The following JAK1 variants were observed in gnomAD, a reference collection of about 807,000 sequenced individuals.
JAK1 encodes Janus kinase 1, also known as tyrosine-protein kinase JAK1.
In JAK1, 16 loss-of-function variants were observed where a neutral mutation model predicts 136.6. That is an observed-to-expected ratio of 0.12 (90% CI 0.08 to 0.18). The LOEUF (loss-of-function observed/expected upper bound fraction) is 0.18. Among genes scored for constraint, JAK1 ranks in the 10% least tolerant of loss-of-function variants. The pLI is 1.00. For missense variants in JAK1, 859 were observed against 1,450.1 expected (o/e 0.59, Z 6.62); for synonymous variants, 492 against 519.5 (o/e 0.95, Z 0.72).
Position 65,001,668 on chromosome 1 carries a change from AGT to A in JAK1, c.-78+42810_-78+42811del, listed in dbSNP as rs200851168. Among the ~76,000 whole-genome samples the A allele has an allele frequency of 6.7e-3, 655 of 97,480 alleles. 6 individuals are homozygous for A. Among genetic ancestry groups the A allele is most frequent in the African/African-American group, 0.029 (622 of 21,750 alleles). The allele number at this position is 97,480 out of a possible 152,430, so 64.0% of individuals were successfully genotyped here. On this transcript the variant is annotated intron_variant, in intron 2 of 25. Transcript: ENST00000671954. ...TTGTATGTGTGTTTGAGAGGTAGAA[AGT>A]GTGTGTGTGGGGGGGGGGGTATGTG... is the stretch of plus-strand genomic sequence containing the variant.
At chr1:64,909,530 G>C (rs1645246737) in intron 1 of JAK1, among the ~76,000 whole-genome samples, 1 of 151,972 alleles carries the variant, frequency 6.6e-6, no homozygotes, top group Non-Finnish European at 1.5e-5. Flanking sequence ...AAAGAAAACA[G>C]ATCTTCTAGG....
rs1279884642 is a variant in JAK1 at position 64,984,822 on chromosome 1, T to G, written c.-78+59658A>C. ...AATAAAAACGTAGGCTCCTAAATAGTAAGCAGCAGAAGGGAAAAGCAATCT... is the reference window on the plus strand; with the variant it reads ...AATAAAAACGTAGGCTCCTAAATAGGAAGCAGCAGAAGGGAAAAGCAATCT... On this transcript the variant is annotated intron_variant, in intron 2 of 25. Transcript: ENST00000671954. This position sits in a 1 kb window ranked among gnomAD's most constrained non-coding sequence, Gnocchi z 4.1. The G allele has an allele frequency of 3.6e-6, 4 of 1,120,946 alleles. No individual in the cohort carries two copies. The highest frequency in any genetic ancestry group is 5.4e-6 in the Non-Finnish European group (4 of 747,430). 69.4% of individuals were successfully genotyped at this position (1,120,946 alleles called of 1,614,324 possible). A position where few individuals can be genotyped will look rare whatever the true frequency, so the allele number is the denominator to read the frequency against.
chr1:64,953,224 G>A (rs1047429044), intron 1 of JAK1, among the ~76,000 whole-genome samples: 13 of 152,278 alleles, frequency 8.5e-5, no homozygotes, highest in African/African-American at 2.2e-4. Flanking sequence ...GGTAACTTTC[G>A]TTAAATGCTG....
intron 2 of JAK1, chr1:64,986,111 T>TG: frequency 1.5e-6 from 1 of 687,896 alleles, no homozygotes; most frequent in Admixed American, 2.7e-5. Flanking sequence ...ATCTAATTGT[T>TG]TTTTTTTTTT....
At chr1:65,030,516 G>C (rs928390931) in intron 2 of JAK1, among the ~76,000 whole-genome samples, 9 of 149,960 alleles carry the variant, frequency 6.0e-5, no homozygotes, top group African/African-American at 2.2e-4. Flanking sequence ...TATTAACATA[G>C]TCCCCAAAAC....
At chr1:64,834,786 A>G in intron 24 of JAK1, 129 bp from the exon 25 acceptor site, 2 of 634,310 alleles carry the variant, frequency 3.2e-6, no homozygotes, top group Admixed American at 2.8e-5. Context: ...TAGAAAAACA[A>G]GAGTATTTGA....
intron 13 of JAK1, chr1:64,847,018 A>G (rs1655278563): frequency 1.9e-6 from 1 of 514,326 alleles, no homozygotes; most frequent in Admixed American, 3.2e-5. Flanking sequence ...CTGGATACTC[A>G]TGCCCACCTC....
chr1:65,042,886 T>C (rs1647147923), intron 2 of JAK1, among the ~76,000 whole-genome samples: 1 of 152,206 alleles, frequency 6.6e-6, no homozygotes, highest in Non-Finnish European at 1.5e-5. Context: ...TTCAGTTTGT[T>C]CTGACTGATG....
intron 6 of JAK1, among the ~76,000 whole-genome samples, chr1:64,868,791 A>G (rs988270745): frequency 1.2e-4 from 18 of 152,368 alleles, no homozygotes; most frequent in African/African-American, 3.6e-4. Context: ...ATTCCTTCAC[A>G]GAGACTTGAT....
At chr1:64,987,819 G>A (rs1646614226) in intron 2 of JAK1, 1 of 152,212 alleles carries the variant, frequency 6.6e-6, no homozygotes, top group Non-Finnish European at 1.5e-5. Context: ...AAGGGGATGT[G>A]AAATGTTGTT....
intron 12 of JAK1, 38 bp downstream of exon 12, chr1:64,850,766 G>A: frequency 7.2e-7 from 1 of 1,397,982 alleles, no homozygotes; most frequent in Non-Finnish European, 1.0e-6. Context: ...TGGGGAGGCA[G>A]GACCACAGCT....
intron 1 of JAK1, among the ~76,000 whole-genome samples, chr1:64,964,997 A>G (rs1646346903): frequency 6.6e-6 from 1 of 152,202 alleles, no homozygotes; most frequent in Non-Finnish European, 1.5e-5. Flanking sequence ...AAATCAAGAA[A>G]CAACACATAA....
intron 12 of JAK1, 65 bp from the exon 13 acceptor site, chr1:64,847,740 T>C (rs1018509965): frequency 1.3e-6 from 2 of 1,562,820 alleles, no homozygotes; most frequent in Admixed American, 3.6e-5. Flanking sequence ...CGTCTGGGAA[T>C]GGGTCCTCAA....
chr1:64,904,848 G>A (rs911104377), intron 1 of JAK1, among the ~76,000 whole-genome samples: 2 of 152,118 alleles, frequency 1.3e-5, no homozygotes, highest in African/African-American at 4.8e-5. Flanking sequence ...CATAAAAGTA[G>A]GGGAGAATGA....
chr1:65,014,943 C>T (rs890241733), intron 2 of JAK1, among the ~76,000 whole-genome samples: 2 of 152,130 alleles, frequency 1.3e-5, no homozygotes, highest in Non-Finnish European at 2.9e-5. Flanking sequence ...CCTCGGCCTC[C>T]CAAAGTGCTG....
chr1:64,847,752 G>T, intron 12 of JAK1, 77 bp from the exon 13 acceptor site: 1 of 1,516,154 alleles, frequency 6.6e-7, no homozygotes, highest in Non-Finnish European at 9.0e-7. Context: ...GGTCCTCAAT[G>T]GGAACATGGA....
intron 2 of JAK1, chr1:65,004,191 T>A: frequency 6.6e-6 from 1 of 152,368 alleles, no homozygotes; most frequent in Non-Finnish European, 1.5e-5. Flanking sequence ...TCCACCCGCC[T>A]CAGCCTCCCA....
At position 64,900,392 on chromosome 1, in the gene JAK1, C is replaced by T. The variant is rs112710234; in HGVS notation, c.-77-14051G>A. On this transcript the variant is annotated intron_variant, in intron 1 of 24. Transcript: ENST00000342505. ...AAGATAAAGGTGTAATCAAAGGTAA[C>T]AGACATTAAATCACCAAGCGAGTTC... Among the ~76,000 whole-genome samples, 1,001 of 152,276 alleles carry T rather than the reference C, an allele frequency of 6.6e-3. 5 individuals are homozygous for T. Among genetic ancestry groups the T allele is most frequent in the Non-Finnish European group, 0.011 (776 of 68,016 alleles).
At chr1:64,928,789 A>AAAACAAAC (rs1553170016) in intron 1 of JAK1, among the ~76,000 whole-genome samples, 8 of 123,192 alleles carry the variant, frequency 6.5e-5, no homozygotes, top group African/African-American at 2.0e-4. Context: ...AAAAAAAAAA[A>AAAACAAAC]AAAAAAACAA....
Sources: gnomAD v4.1 joint callset for allele counts (sites outside exome capture counted in the v4.1 genomes callset) on GRCh38, gnomAD v4.1.1 for gene constraint, Gnocchi (gnomAD v3.1) non-coding constraint, MANE v1.5 for transcripts, NCBI Gene and HGNC (gene_info 2026-07-23, HGNC 2026-07-21) for gene names.